Variants in SAMTOR observed in about 807,000 individuals in gnomAD.
SAMTOR encodes UPF0532 protein C7orf60.
At chr7:112,919,836 C>G in the SAMTOR span, among the ~76,000 whole-genome samples, 1 of 152,182 alleles carries the variant, frequency 6.6e-6, no homozygotes, top group East Asian at 1.9e-4. Flanking sequence ...CGCAAATAAA[C>G]TAGAAAATCT....
the SAMTOR span, among the ~76,000 whole-genome samples, chr7:112,835,494 A>G: frequency 6.6e-6 from 1 of 152,124 alleles, no homozygotes; most frequent in East Asian, 1.9e-4. Context: ...TCTTTTATAA[A>G]CTTTTATTTT....
chr7:112,879,857 A>C, the SAMTOR span, among the ~76,000 whole-genome samples: 1 of 152,298 alleles, frequency 6.6e-6, no homozygotes, highest in South Asian at 2.1e-4. Context: ...GTTAGTTAAA[A>C]CTAAACAGTG....
the SAMTOR span, among the ~76,000 whole-genome samples, chr7:112,933,630 C>T: frequency 2.0e-5 from 3 of 152,162 alleles, no homozygotes; most frequent in East Asian, 3.8e-4. Flanking sequence ...ACTCCCAGGA[C>T]GAGCACATCC....
the SAMTOR span, among the ~76,000 whole-genome samples, chr7:112,908,863 A>G: frequency 6.6e-6 from 1 of 152,322 alleles, no homozygotes; most frequent in South Asian, 2.1e-4. Context: ...CCTGTAATAA[A>G]AAGTTCCCTT....
chr7:112,898,974 A>G, the SAMTOR span, among the ~76,000 whole-genome samples: 1 of 152,188 alleles, frequency 6.6e-6, no homozygotes, highest in Non-Finnish European at 1.5e-5. Flanking sequence ...AAGGATGGAT[A>G]CTAACAAGTC....
At chr7:112,883,890 T>C in the SAMTOR span, among the ~76,000 whole-genome samples, 3 of 152,270 alleles carry the variant, frequency 2.0e-5, no homozygotes, top group Non-Finnish European at 4.4e-5. Flanking sequence ...TGTATTAGTC[T>C]GTTCTCATGC....
chr7:112,933,863 G>C, the SAMTOR span, among the ~76,000 whole-genome samples: 1 of 152,100 alleles, frequency 6.6e-6, no homozygotes, highest in African/African-American at 2.4e-5. Context: ...AACGTTTTAA[G>C]AACCATGGCC....
the SAMTOR span, among the ~76,000 whole-genome samples, chr7:112,906,596 G>C: frequency 6.9e-6 from 1 of 145,334 alleles, no homozygotes; most frequent in African/African-American, 2.6e-5. Flanking sequence ...TTGAGACAGA[G>C]TCTTGCTCTG....
the SAMTOR span, among the ~76,000 whole-genome samples, chr7:112,932,428 CAT>C: frequency 1.3e-5 from 2 of 152,058 alleles, no homozygotes; most frequent in African/African-American, 4.8e-5. Flanking sequence ...TTTAAGAAGA[CAT>C]GAGCATAAAT....
At chr7:112,925,119 G>A in the SAMTOR span, among the ~76,000 whole-genome samples, 2 of 152,188 alleles carry the variant, frequency 1.3e-5, no homozygotes, top group Non-Finnish European at 2.9e-5. Context: ...TCTTTCAGAT[G>A]TAGTTATTTA....
chr7:112,901,542 A>G, the SAMTOR span, among the ~76,000 whole-genome samples: 1 of 152,206 alleles, frequency 6.6e-6, no homozygotes, highest in Admixed American at 6.5e-5. Context: ...ATAGAAATAA[A>G]GTGCACAATA....
the SAMTOR span, chr7:112,820,822 C>G: frequency 1.3e-5 from 2 of 151,980 alleles, no homozygotes; most frequent in African/African-American, 4.8e-5. Flanking sequence ...TAGTGCGGCA[C>G]CTCCTTAACG....
At chr7:112,918,104 A>G in the SAMTOR span, among the ~76,000 whole-genome samples, 2 of 152,210 alleles carry the variant, frequency 1.3e-5, no homozygotes, top group African/African-American at 2.4e-5. Flanking sequence ...GAACGCCACA[A>G]AGATACTCCT....
At chr7:112,855,038 G>C in the SAMTOR span, among the ~76,000 whole-genome samples, 1 of 152,156 alleles carries the variant, frequency 6.6e-6, no homozygotes, top group African/African-American at 2.4e-5. Context: ...GCAATGCAAA[G>C]TTCTTATCAG....
At chr7:112,872,977 ACAC>A in the SAMTOR span, among the ~76,000 whole-genome samples, 2 of 151,894 alleles carry the variant, frequency 1.3e-5, no homozygotes, top group Non-Finnish European at 2.9e-5. Context: ...CCACACACAC[ACAC>A]AAATACCTAG....
chr7:112,905,358 T>C, the SAMTOR span, among the ~76,000 whole-genome samples: 1 of 152,210 alleles, frequency 6.6e-6, no homozygotes, highest in Non-Finnish European at 1.5e-5. Flanking sequence ...CAGTCACCTC[T>C]ATAAATTAAA....
At chr7:112,852,664 T>TG in the SAMTOR span, among the ~76,000 whole-genome samples, 2 of 152,110 alleles carry the variant, frequency 1.3e-5, no homozygotes, top group African/African-American at 4.8e-5. Flanking sequence ...ATCACTCTCT[T>TG]GCCCAATTCT....
the SAMTOR span, among the ~76,000 whole-genome samples, chr7:112,906,185 T>C: frequency 6.6e-6 from 1 of 152,212 alleles, no homozygotes; most frequent in Non-Finnish European, 1.5e-5. Context: ...CACCCAAGTA[T>C]ACTTAAATCT....
At chr7:112,922,966 T>G in the SAMTOR span, among the ~76,000 whole-genome samples, 7 of 148,582 alleles carry the variant, frequency 4.7e-5, no homozygotes, top group South Asian at 6.5e-4. Flanking sequence ...CACCACCCCA[T>G]CTGGGAGGTG....
Sources: allele counts gnomAD v4.1 joint callset (sites outside exome capture counted in the v4.1 genomes callset), GRCh38; gene constraint gnomAD v4.1.1; transcripts MANE v1.5; gene names NCBI Gene and HGNC (gene_info 2026-07-23, HGNC 2026-07-21).